GOLGA3: variants seen among roughly 807,000 people sequenced by gnomAD.
GOLGA3 encodes the protein golgin subfamily A member 3.
In GOLGA3, 75 loss-of-function variants were observed where a neutral mutation model predicts 169.4. The observed-to-expected ratio is 0.44, with a 90% CI of 0.37 to 0.54. GOLGA3 has a LOEUF of 0.54. GOLGA3 is among the 20% of genes least tolerant of loss of function. GOLGA3 has a pLI of 0.00. For synonymous variants in GOLGA3, 824 were observed against 822.4 expected (o/e 1.00, Z -0.03); for missense variants, 1,899 against 1,930.0 (o/e 0.98, Z 0.30).
At position 132,816,699 on chromosome 12, in the gene GOLGA3, C is replaced by G. The variant is rs144559635; in HGVS notation, c.247G>C (p.Asp83His). 2.9e-5 allele frequency: 47 copies of G among 1,613,992 alleles called. No individual in the cohort carries two copies. In the East Asian group the frequency reaches 1.0e-3, roughly 36 times the overall value. Reference sequence around the variant, plus strand: ...GGGCCCACTGGGCTTGTGGTGGGATCGAGAGACGACGGAGGGTCTGGGAAG... The same window carrying G: ...GGGCCCACTGGGCTTGTGGTGGGATGGAGAGACGACGGAGGGTCTGGGAAG... ...PPFPDPPSSL[D>H]PTTSPVGPDA... is the part of the protein sequence containing the mutation. Residue 83 changes from aspartate to histidine, a missense_variant, in exon 3 of 24, where the codon GAT becomes CAT. Asp to His is a moderately conservative substitution (Grantham distance 81). Coordinates refer to ENST00000450791, the MANE Select transcript of GOLGA3 (RefSeq NM_001389683.1).
intron 6 of GOLGA3, among the ~76,000 whole-genome samples, chr12:132,805,941 C>T (rs1475217621): frequency 2.0e-5 from 3 of 152,188 alleles, no homozygotes; most frequent in Non-Finnish European, 4.4e-5. Flanking sequence ...CAGGGAAAGG[C>T]GGCTGCCTAA....
At chr12:132,778,435 G>A (rs1458891244) in intron 18 of GOLGA3, among the ~76,000 whole-genome samples, 1 of 151,772 alleles carries the variant, frequency 6.6e-6, no homozygotes, top group Non-Finnish European at 1.5e-5. Flanking sequence ...GCCAGGCGTG[G>A]TGGCGGGCAC....
intron 4 of GOLGA3, among the ~76,000 whole-genome samples, chr12:132,810,468 T>C (rs924322343): frequency 1.3e-5 from 2 of 152,214 alleles, no homozygotes; most frequent in Admixed American, 6.5e-5. Flanking sequence ...TATGATTATA[T>C]ATGAATATCA....
At chr12:132,817,182 G>C (rs1430828747) in intron 2 of GOLGA3, among the ~76,000 whole-genome samples, 6 of 100,364 alleles carry the variant, frequency 6.0e-5, no homozygotes, top group Non-Finnish European at 8.1e-5. Context: ...AGGTGAACCC[G>C]CCCTCCACAC....
chr12:132,808,059 C>T lies in GOLGA3; in HGVS notation c.1010G>A (p.Gly337Asp). The change falls in exon 5 of 24, where the codon GGC becomes GAC. Residue 337 changes from glycine (G) to aspartate (D), a missense_variant. By Grantham distance (94) the Gly-to-Asp change is moderately conservative. Transcript: ENST00000450791. The stretch of plus-strand genomic sequence containing the variant: ...GACCATATAGGGGGTGTCCTGCGTG[C>T]CCACTGTCTTCGACAGAATGCCATA... The part of the protein sequence containing the change: ...GTYGILSKTV[G>D]TQDTPYMVNG... 6.3e-7 allele frequency: 1 copy of T among 1,599,786 alleles called. No homozygotes were observed. The highest frequency in any genetic ancestry group is 8.5e-7 in the Non-Finnish European group (1 of 1,171,752).
chr12:132,823,407 T>C (rs1357513253), intron 1 of GOLGA3, among the ~76,000 whole-genome samples: 3 of 152,270 alleles, frequency 2.0e-5, no homozygotes, highest in African/African-American at 7.2e-5. Context: ...ACCTACATTA[T>C]GTTCTGTGTT....
chr12:132,814,257 G>A (rs1949858486), intron 3 of GOLGA3, among the ~76,000 whole-genome samples: 1 of 150,444 alleles, frequency 6.6e-6, no homozygotes, highest in East Asian at 2.0e-4. Flanking sequence ...CTCCCGACCT[G>A]AGGTGATCCG....
At position 132,774,142 on chromosome 12, in the gene GOLGA3, G is replaced by A. The variant is rs552437086; in HGVS notation, c.4307+15C>T. ...TTTAAGACTAGCTGAAGTGCAGCACGGAATACGGTCGTACTTGAGCTGCTG... is the reference window on the plus strand; with the variant it reads ...TTTAAGACTAGCTGAAGTGCAGCACAGAATACGGTCGTACTTGAGCTGCTG... On this transcript the variant is annotated intron_variant, in intron 23 of 23. Coordinates refer to ENST00000450791, the MANE Select transcript of GOLGA3 (RefSeq NM_001389683.1). The A allele has an allele frequency of 5.1e-6, 8 of 1,562,652 alleles. No homozygotes were observed. Among genetic ancestry groups the A allele is most frequent in the Admixed American group, 3.8e-5 (2 of 52,630 alleles).
chr12:132,787,694 T>C (rs1187808528), intron 13 of GOLGA3, among the ~76,000 whole-genome samples: 2 of 28,452 alleles, frequency 7.0e-5, no homozygotes, highest in Non-Finnish European at 1.3e-4. Flanking sequence ...CCGGGACCCC[T>C]CCCCGGAGAC....
intron 4 of GOLGA3, among the ~76,000 whole-genome samples, chr12:132,810,311 C>A (rs905014831): frequency 1.1e-4 from 17 of 151,890 alleles, no homozygotes; most frequent in African/African-American, 3.6e-4. Context: ...CACCTTAAAT[C>A]CATAATTTCC....
chr12:132,781,204 ACCACCGCAGTGCCCT>A (rs71076474), intron 17 of GOLGA3, among the ~76,000 whole-genome samples: 47,956 of 151,506 alleles, frequency 0.32, 7,813 homozygotes, highest in Middle Eastern at 0.45. Context: ...CTATGATGGT[ACCACCGCAGTGCCCT>A]CCACCGCACT....
At chr12:132,789,341 G>A (rs1157327419) in intron 12 of GOLGA3, 51 bp from the exon 13 acceptor site, 1 of 1,479,066 alleles carries the variant, frequency 6.8e-7, no homozygotes, top group Non-Finnish European at 9.0e-7. Flanking sequence ...GGCGTGGGGG[G>A]CGTACCTGGG....
intron 1 of GOLGA3, chr12:132,826,254 A>AAG (rs1225243611): frequency 8.9e-7 from 1 of 1,124,856 alleles, no homozygotes; most frequent in East Asian, 2.5e-5. Context: ...AAAAAAAAAA[A>AAG]AAAAGAAACT....
chr12:132,826,277 T>G (rs1373181650), intron 1 of GOLGA3: 2 of 1,067,600 alleles, frequency 1.9e-6, no homozygotes, highest in Non-Finnish European at 1.3e-6. Context: ...AAGAGCAGCA[T>G]CACGGCCACG....
intron 11 of GOLGA3, 63 bp from the exon 12 acceptor site, chr12:132,791,356 G>A (rs1053627754): frequency 4.5e-6 from 4 of 883,982 alleles, no homozygotes; most frequent in Non-Finnish European, 7.3e-6. Context: ...TGTCTGCACA[G>A]ATGTTACACT....
chr12:132,781,483 CGGGA>C (rs2045604746), intron 17 of GOLGA3, among the ~76,000 whole-genome samples: 1 of 152,102 alleles, frequency 6.6e-6, no homozygotes, highest in Non-Finnish European at 1.5e-5. Flanking sequence ...CGCTTGAACC[CGGGA>C]GGCAGGGAGC....
rs1949265627 is a variant in GOLGA3 at position 132,804,142 on chromosome 12, A to G, written c.1597+574T>C. Among the ~76,000 whole-genome samples the G allele has an allele frequency of 6.6e-6, 1 of 152,204 alleles. No homozygotes were observed. Among genetic ancestry groups the G allele is most frequent in the Non-Finnish European group, 1.5e-5 (1 of 68,034 alleles). ...CTTGTACTCTCTGGGCGAGCCCTAT[A>G]GGGAGGCAGCTGGACCGACGCACTG... is the stretch of plus-strand genomic sequence containing the variant. On this transcript the variant is annotated intron_variant, in intron 7 of 23. Coordinates refer to ENST00000450791, the MANE Select transcript of GOLGA3 (RefSeq NM_001389683.1). This position sits in a 1 kb window ranked among gnomAD's most constrained non-coding sequence, Gnocchi z 4.1.
At chr12:132,789,352 G>C (rs987193540) in intron 12 of GOLGA3, 62 bp from the exon 13 acceptor site, 20 of 1,425,488 alleles carry the variant, frequency 1.4e-5, no homozygotes, top group Admixed American at 2.4e-5. Flanking sequence ...CGTACCTGGG[G>C]GTCAAGCTGG....
Position 132,777,470 on chromosome 12 carries a change from G to T in GOLGA3, c.3722+196C>A, listed in dbSNP as rs11835002. 6.6e-6 allele frequency among the ~76,000 whole-genome samples: 1 copy of T among 152,160 alleles called. No individual in the cohort carries two copies. The highest frequency in any genetic ancestry group is 1.5e-5 in the Non-Finnish European group (1 of 68,030). On this transcript the variant is annotated intron_variant, in intron 19 of 23. Transcript: ENST00000450791. The surrounding 1 kb of genome is among the most constrained non-coding windows in gnomAD (Gnocchi z 4.7). The stretch of plus-strand genomic sequence containing the variant: ...TCCTGCTGGGGCGCTTTCTCTCTTG[G>T]GGGGAGGACACGGGGCAGTGAGTGA...
Sources: gnomAD v4.1 joint callset for allele counts (sites outside exome capture counted in the v4.1 genomes callset) on GRCh38, gnomAD v4.1.1 for gene constraint, Gnocchi (gnomAD v3.1) non-coding constraint, MANE v1.5 for transcripts, NCBI Gene and HGNC (gene_info 2026-07-23, HGNC 2026-07-21) for gene names.